EYS: variants seen among roughly 807,000 people sequenced by gnomAD.
The protein encoded by EYS is EGF-like photoreceptor maintenance factor.
In EYS, 250 loss-of-function variants were observed where a neutral mutation model predicts 282.1. The ratio of observed to expected loss-of-function variants is 0.89; its 90% CI spans 0.80 to 0.98. The LOEUF (loss-of-function observed/expected upper bound fraction) is 0.98. EYS is among the 50% of genes least tolerant of loss of function. The pLI is 0.00. For synonymous variants in EYS, 1,355 were observed against 1,282.9 expected (o/e 1.06, Z -1.20); for missense variants, 4,016 against 3,709.0 (o/e 1.08, Z -2.15).
chr6:64,397,543 T>C (rs1039976437), intron 28 of EYS, among the ~76,000 whole-genome samples: 2 of 152,042 alleles, frequency 1.3e-5, no homozygotes, highest in African/African-American at 4.8e-5. Context: ...GATTTTTTAA[T>C]CTAAAATTTC....
chr6:63,943,507 A>G (rs1159886081), intron 35 of EYS, among the ~76,000 whole-genome samples: 1 of 152,262 alleles, frequency 6.6e-6, no homozygotes, highest in East Asian at 1.9e-4. Context: ...AAACCTAAAC[A>G]TTACAAAAAT....
At chr6:64,986,064 T>C (rs908542459) in intron 14 of EYS, among the ~76,000 whole-genome samples, 1 of 151,538 alleles carries the variant, frequency 6.6e-6, no homozygotes, top group Non-Finnish European at 1.5e-5. Context: ...AGATAACTTT[T>C]TTAAACTTGT....
chr6:65,324,104 C>T (rs1339842590), intron 11 of EYS, among the ~76,000 whole-genome samples: 2 of 151,352 alleles, frequency 1.3e-5, no homozygotes, highest in Non-Finnish European at 2.9e-5. Flanking sequence ...GATTAAATGT[C>T]ACTGCTCCTT....
chr6:65,095,698 C>T (rs1371443187), intron 12 of EYS, among the ~76,000 whole-genome samples: 1 of 150,682 alleles, frequency 6.6e-6, no homozygotes, highest in East Asian at 1.9e-4. Context: ...GGATAAACAT[C>T]ACATGATCAT....
rs969992025 is a variant in EYS, at chr6:65,645,714, C to A, written c.-447-5822G>T. Reference sequence around the variant, plus strand: ...ACTAAATGAAACTGAAACAAAAAAACTACAAAAGATAATGAAACAAAAAGC... The same window carrying A: ...ACTAAATGAAACTGAAACAAAAAAAATACAAAAGATAATGAAACAAAAAGC... On this transcript the variant is annotated intron_variant, in intron 1 of 42. Transcript: ENST00000503581. 2.2e-4 allele frequency among the ~76,000 whole-genome samples: 33 copies of A among 149,956 alleles called. No homozygotes were observed. The East Asian group carries it at 6.1e-3, about 28-fold the overall frequency.
chr6:64,104,109 T>C (rs1427549442), intron 31 of EYS, among the ~76,000 whole-genome samples: 1 of 152,100 alleles, frequency 6.6e-6, no homozygotes, highest in Non-Finnish European at 1.5e-5. Flanking sequence ...GTAGGTGGTT[T>C]CAAATATGGA....
chr6:63,983,256 A>T (rs894903359), intron 35 of EYS, among the ~76,000 whole-genome samples: 1 of 151,866 alleles, frequency 6.6e-6, no homozygotes, highest in South Asian at 2.1e-4. Flanking sequence ...TCAGATACTT[A>T]CACAGTGAAT....
chr6:64,593,948 A>T (rs1766490035), intron 24 of EYS, among the ~76,000 whole-genome samples: 1 of 152,204 alleles, frequency 6.6e-6, no homozygotes, highest in African/African-American at 2.4e-5. Context: ...AGTTAAAAAC[A>T]AGTTATACTA....
chr6:63,808,060 G>A (rs1250665878), intron 36 of EYS, among the ~76,000 whole-genome samples: 1 of 152,090 alleles, frequency 6.6e-6, no homozygotes, highest in Non-Finnish European at 1.5e-5. Context: ...TGACAAATAC[G>A]TATCTCATAT....
At chr6:65,360,143 C>T (rs1764644470) in intron 8 of EYS, among the ~76,000 whole-genome samples, 2 of 151,804 alleles carry the variant, frequency 1.3e-5, no homozygotes, top group East Asian at 1.9e-4. Flanking sequence ...TATGACGCCA[C>T]CTTCTTGCTT....
intron 12 of EYS, among the ~76,000 whole-genome samples, chr6:65,190,582 T>G (rs1211625343): frequency 9.2e-5 from 14 of 151,664 alleles, no homozygotes; most frequent in Admixed American, 6.6e-4. Context: ...ATTTTATATT[T>G]GTGATAAATT....
chr6:63,922,935 A>C (rs895881152), intron 35 of EYS, among the ~76,000 whole-genome samples: 1 of 152,174 alleles, frequency 6.6e-6, no homozygotes, highest in Non-Finnish European at 1.5e-5. Flanking sequence ...TGACGTTGTG[A>C]CTTTGAAGAA....
At chr6:63,979,144 T>G (rs2149788889) in intron 35 of EYS, among the ~76,000 whole-genome samples, 1 of 152,090 alleles carries the variant, frequency 6.6e-6, no homozygotes, top group Non-Finnish European at 1.5e-5. Context: ...ATGATAGCCC[T>G]TTTGCCAAAT....
At chr6:64,623,581 G>T (rs781643979) in intron 23 of EYS, among the ~76,000 whole-genome samples, 1 of 152,042 alleles carries the variant, frequency 6.6e-6, no homozygotes, top group Non-Finnish European at 1.5e-5. Context: ...TCACACATTT[G>T]ATCTTCGAAA....
chr6:65,117,126 AG>A, intron 12 of EYS, among the ~76,000 whole-genome samples: 1 of 152,312 alleles, frequency 6.6e-6, no homozygotes, highest in Middle Eastern at 3.4e-3. Flanking sequence ...TCTCTTCTCC[AG>A]CCCAAAGGCT....
chr6:64,010,252 A>G (rs1014883266), intron 33 of EYS, among the ~76,000 whole-genome samples: 1 of 152,214 alleles, frequency 6.6e-6, no homozygotes, highest in African/African-American at 2.4e-5. Context: ...ACCGTGGCAG[A>G]GTACTGGCGA....
At chr6:64,782,544 T>C (rs1156922576) in intron 22 of EYS, among the ~76,000 whole-genome samples, 1 of 152,226 alleles carries the variant, frequency 6.6e-6, no homozygotes, top group African/African-American at 2.4e-5. Context: ...TTTTTCCTTC[T>C]AATTTTTAAG....
intron 2 of EYS, among the ~76,000 whole-genome samples, chr6:65,621,689 T>C (rs370384303): frequency 3.3e-5 from 5 of 152,118 alleles, no homozygotes; most frequent in Non-Finnish European, 7.4e-5. Context: ...CAGCGGCTGG[T>C]ATTGGTTGTT....
At chr6:64,382,159 C>A (rs1582677257) in intron 29 of EYS, among the ~76,000 whole-genome samples, 1 of 152,196 alleles carries the variant, frequency 6.6e-6, no homozygotes, top group East Asian at 1.9e-4. Context: ...GCCCTTGCCC[C>A]TCTGCCTGTT....
Sources: allele counts gnomAD v4.1 joint callset (sites outside exome capture counted in the v4.1 genomes callset), GRCh38; gene constraint gnomAD v4.1.1; transcripts MANE v1.5; gene names NCBI Gene and HGNC (gene_info 2026-07-23, HGNC 2026-07-21).